The following PXN variants were observed in gnomAD, a reference collection of about 807,000 sequenced individuals.
PXN encodes the protein testicular tissue protein Li 134.
Under a neutral mutation model 103.6 loss-of-function variants are expected in PXN, and 61 were observed. The observed-to-expected ratio is 0.59, with a 90% CI of 0.48 to 0.73. The LOEUF (loss-of-function observed/expected upper bound fraction) is 0.73, where lower values mean the gene tolerates loss of function less well. Among genes scored for constraint, PXN ranks in the 30% least tolerant of loss-of-function variants. PXN has a pLI of 0.00. For synonymous variants in PXN, 562 were observed against 607.8 expected, an observed-to-expected ratio of 0.92 and a Z score of 1.11; for missense variants, 1,274 against 1,460.3, an observed-to-expected ratio of 0.87 and a Z score of 2.08.
rs1433056175 is a variant in PXN at position 120,220,056 on chromosome 12, C to T, written c.867G>A (p.Gly289=). The stretch of plus-strand genomic sequence containing the variant: ...ATGAGGACGGAGCAGAGCTGGACAG[C>T]CCCGGGGCACTCAGAGCCACAGTGG... ...SSSTVALSAP[G]LSSSAPSSYC... is the part of the protein sequence containing the mutation. The change falls in exon 7 of 15, where the codon GGG becomes GGA. Residue 289 remains glycine, a synonymous_variant. Coordinates refer to ENST00000637617, the MANE Select transcript of PXN (RefSeq NM_001385981.1). This position sits in a 1 kb window ranked among gnomAD's most constrained non-coding sequence, Gnocchi z 6.1. 7.0e-7 allele frequency: 1 copy of T among 1,420,630 alleles called. No individual in the cohort carries two copies. The highest frequency in any genetic ancestry group is 9.5e-7 in the Non-Finnish European group (1 of 1,049,062). The allele number at this position is 1,420,630 out of a possible 1,614,324, so 88.0% of individuals were successfully genotyped here. A position where few individuals can be genotyped will look rare whatever the true frequency, so the allele number is the denominator to read the frequency against.
intron 1 of PXN, among the ~76,000 whole-genome samples, chr12:120,261,179 A>G (rs1022466884): frequency 6.6e-6 from 1 of 152,214 alleles, no homozygotes; most frequent in Non-Finnish European, 1.5e-5. Context: ...TAAGAGCTCA[A>G]TAAATATTAT....
intron 1 of PXN, among the ~76,000 whole-genome samples, chr12:120,239,471 A>G (rs1255626905): frequency 6.6e-6 from 1 of 152,164 alleles, no homozygotes; most frequent in Non-Finnish European, 1.5e-5. Flanking sequence ...AGTCCCAGCT[A>G]CTCGGGAGGC....
At chr12:120,240,413 C>G (rs1889943349) in intron 1 of PXN, among the ~76,000 whole-genome samples, 1 of 152,200 alleles carries the variant, frequency 6.6e-6, no homozygotes, top group Non-Finnish European at 1.5e-5. Context: ...TAGTCTGACT[C>G]TCCCACAGTG....
At chr12:120,223,502 C>T (rs970010636) in intron 3 of PXN, among the ~76,000 whole-genome samples, 5 of 152,180 alleles carry the variant, frequency 3.3e-5, no homozygotes, top group East Asian at 1.9e-4. Context: ...CTCAGCTACA[C>T]GGAGATGCTG....
At chr12:120,253,260 G>T (rs1892491037) in intron 1 of PXN, among the ~76,000 whole-genome samples, 1 of 152,104 alleles carries the variant, frequency 6.6e-6, no homozygotes, top group Non-Finnish European at 1.5e-5. Flanking sequence ...ATCACCTGAG[G>T]TCAGGAGTTT....
intron 1 of PXN, among the ~76,000 whole-genome samples, chr12:120,238,621 TC>T (rs1889568057): frequency 6.6e-6 from 1 of 152,098 alleles, no homozygotes; most frequent in South Asian, 2.1e-4. Flanking sequence ...ACACAGAAAG[TC>T]CCCATGTACA....
At chr12:120,227,270 G>T (rs946069582) in intron 1 of PXN, among the ~76,000 whole-genome samples, 1 of 152,208 alleles carries the variant, frequency 6.6e-6, no homozygotes, top group Non-Finnish European at 1.5e-5. Context: ...GGAGGCTGAG[G>T]TGGGAGGATC....
chr12:120,248,932 T>C (rs2136603255), intron 1 of PXN, among the ~76,000 whole-genome samples: 1 of 151,372 alleles, frequency 6.6e-6, no homozygotes, highest in East Asian at 1.9e-4. Context: ...AGGTCAGGAG[T>C]TTGAGACCAG....
rs901940628 is a variant in PXN, at chr12:120,217,347, C to A, written c.1717-231G>T. Among the ~76,000 whole-genome samples, 1 of 152,068 alleles carries A rather than the reference C, an allele frequency of 6.6e-6. No individual in the cohort carries two copies. Among genetic ancestry groups the A allele is most frequent in the African/African-American group, 2.4e-5 (1 of 41,388 alleles). ...CCAGAAGCACAGGCTGCGAGCGAGA[C>A]CTCTGACCCAGCATTCACCTCTAAG... is the stretch of plus-strand genomic sequence containing the variant. On this transcript the variant is annotated intron_variant, in intron 7 of 14. Coordinates refer to ENST00000637617, the MANE Select transcript of PXN (RefSeq NM_001385981.1). This position sits in a 1 kb window ranked among gnomAD's most constrained non-coding sequence, Gnocchi z 4.1.
chr12:120,253,097 ATGCAGACCAAGCAACAAGGGTC>A (rs1410853987), intron 1 of PXN, among the ~76,000 whole-genome samples: 3 of 152,026 alleles, frequency 2.0e-5, no homozygotes, highest in Non-Finnish European at 4.4e-5. Flanking sequence ...TTTGAATACC[ATGCAGACCAAGCAACAAGGGTC>A]TGCAGACCAA....
intron 1 of PXN, chr12:120,226,475 G>A: frequency 1.6e-6 from 2 of 1,282,046 alleles, no homozygotes; most frequent in South Asian, 1.2e-5. Context: ...CTGATCTCAG[G>A]TCTCTTGGAC....
chr12:120,251,620 C>T (rs1390022353), intron 1 of PXN, among the ~76,000 whole-genome samples: 1 of 152,086 alleles, frequency 6.6e-6, no homozygotes, highest in East Asian at 1.9e-4. Context: ...AATTCAAGAC[C>T]AGCCTGGCCA....
rs1374612075 is a variant in PXN at position 120,216,841 on chromosome 12, C to T, written c.1992G>A (p.Lys664=). 3.3e-6 allele frequency: 5 copies of T among 1,532,454 alleles called. No homozygotes were observed. Among genetic ancestry groups the T allele is most frequent in the Non-Finnish European group, 2.6e-6 (3 of 1,151,538 alleles). 94.9% of individuals were successfully genotyped at this position (1,532,454 alleles called of 1,614,324 possible). ...CCAGCCATGGGCATCTCCTCGCCAC[C>T]TTCTCTACGAGCTGCCCCCCGGCCC... is the stretch of plus-strand genomic sequence containing the variant. ...GKRAGGQLVE[K]VVFPPGSPIP... is the part of the protein sequence containing the mutation. The change falls in exon 8 of 15, where the codon AAG becomes AAA. Residue 664 remains lysine, a splice_region_variant and synonymous_variant. Transcript: ENST00000637617. This position sits in a 1 kb window ranked among gnomAD's most constrained non-coding sequence, Gnocchi z 5.1.
At position 120,216,485 on chromosome 12, in the gene PXN, C is replaced by A; in HGVS notation, c.2089G>T (p.Ala697Ser). The A allele has an allele frequency of 2.2e-6, 3 of 1,385,000 alleles. No homozygotes were observed. The highest frequency in any genetic ancestry group is 2.8e-6 in the Non-Finnish European group (3 of 1,078,952). The allele number at this position is 1,385,000 out of a possible 1,614,324, so 85.8% of individuals were successfully genotyped here. ...VPLLQHRTDA[A>S]ASSSSPLPSL... Reference sequence around the variant, plus strand: ...GGCAGGGGAGAAGAGCTGCTGGCCGCGGCGTCTGTGCGATGCTGGAGCAAA... The same window carrying A: ...GGCAGGGGAGAAGAGCTGCTGGCCGAGGCGTCTGTGCGATGCTGGAGCAAA... The change falls in exon 9 of 15, where the codon GCG becomes TCG. Residue 697 changes from alanine to serine, a missense_variant. Physicochemically the swap from Ala to Ser is moderately conservative, Grantham distance 99 (BLOSUM62 1). Coordinates refer to ENST00000637617, the MANE Select transcript of PXN (RefSeq NM_001385981.1). The surrounding 1 kb of genome is among the most constrained non-coding windows in gnomAD (Gnocchi z 5.1).
Position 120,228,888 on chromosome 12 carries a change from G to C in PXN, c.14-4511C>G, listed in dbSNP as rs1005587754. 6.6e-6 allele frequency among the ~76,000 whole-genome samples: 1 copy of C among 152,216 alleles called. No homozygotes were observed. ...GCTTTGGGTCGGGAGGCCGCCCTGG[G>C]GCAGGTGGCTGGGCAGAAACAGTGC... On this transcript the variant is annotated intron_variant, in intron 1 of 14. Transcript: ENST00000637617. This position sits in a 1 kb window ranked among gnomAD's most constrained non-coding sequence, Gnocchi z 4.7.
intron 1 of PXN, among the ~76,000 whole-genome samples, chr12:120,239,850 AG>A (rs1180885325): frequency 6.6e-6 from 1 of 152,162 alleles, no homozygotes; most frequent in African/African-American, 2.4e-5. Context: ...CTGGCTTCCC[AG>A]GAACAGTCAG....
intron 1 of PXN, among the ~76,000 whole-genome samples, chr12:120,257,696 C>T (rs1566437640): frequency 6.6e-6 from 1 of 152,122 alleles, no homozygotes; most frequent in Non-Finnish European, 1.5e-5. Context: ...GTGGGGATTC[C>T]AGGAGGGGGA....
At chr12:120,236,801 GTATTTATT>G in intron 1 of PXN, among the ~76,000 whole-genome samples, 1 of 151,258 alleles carries the variant, frequency 6.6e-6, no homozygotes, top group Admixed American at 6.6e-5. Flanking sequence ...TTTTATTTAT[GTATTTATT>G]TATTTATTTA....
Position 120,228,611 on chromosome 12 carries a change from A to G in PXN, c.14-4234T>C, listed in dbSNP as rs567413043. Reference sequence around the variant, plus strand: ...GGGGAAGACTGGGGAGCCCCTGGCCATGGGCGCAGTGGGGAAGTTTCTATC... The same window carrying G: ...GGGGAAGACTGGGGAGCCCCTGGCCGTGGGCGCAGTGGGGAAGTTTCTATC... On this transcript the variant is annotated intron_variant, in intron 1 of 14. Coordinates refer to ENST00000637617, the MANE Select transcript of PXN (RefSeq NM_001385981.1). The surrounding 1 kb of genome is among the most constrained non-coding windows in gnomAD (Gnocchi z 4.7). Among the ~76,000 whole-genome samples the G allele has an allele frequency of 6.6e-6, 1 of 152,322 alleles. No individual in the cohort carries two copies. Among genetic ancestry groups the G allele is most frequent in the East Asian group, 1.9e-4 (1 of 5,172 alleles).
Sources: gnomAD v4.1 joint callset for allele counts (sites outside exome capture counted in the v4.1 genomes callset) on GRCh38, gnomAD v4.1.1 for gene constraint, Gnocchi (gnomAD v3.1) non-coding constraint, MANE v1.5 for transcripts, NCBI Gene and HGNC (gene_info 2026-07-23, HGNC 2026-07-21) for gene names.